Variants in DOCK1 observed in about 807,000 individuals in gnomAD.
DOCK1 encodes dedicator of cytokinesis protein 1.
Under a neutral mutation model 262.7 loss-of-function variants are expected in DOCK1, and 138 were observed. That is an observed-to-expected ratio of 0.53 (90% CI 0.46 to 0.61). The LOEUF (loss-of-function observed/expected upper bound fraction) is 0.61. Ranked by LOEUF, DOCK1 falls within the 20% of genes least tolerant of loss-of-function variation. The probability of loss-of-function intolerance (pLI) is 0.00; values close to 1 mark genes in which losing one functional copy is unlikely to be tolerated. For missense variants in DOCK1, 1,908 were observed against 2,370.7 expected (o/e 0.80, Z 4.05); for synonymous variants, 866 against 867.4 (o/e 1.00, Z 0.03).
At chr10:127,249,237 A>G (rs2059534782) in intron 28 of DOCK1, among the ~76,000 whole-genome samples, 1 of 152,094 alleles carries the variant, frequency 6.6e-6, no homozygotes, top group African/African-American at 2.4e-5. Context: ...TCTAATACAT[A>G]ATTTTCTTAT....
intron 27 of DOCK1, among the ~76,000 whole-genome samples, chr10:127,129,328 GT>G (rs1475435936): frequency 3.3e-5 from 5 of 152,272 alleles, no homozygotes; most frequent in African/African-American, 1.2e-4. Context: ...TAAACTTAAA[GT>G]TTAAACTTAA....
intron 29 of DOCK1, among the ~76,000 whole-genome samples, chr10:127,314,291 G>A (rs976626301): frequency 6.6e-6 from 1 of 152,174 alleles, no homozygotes; most frequent in Non-Finnish European, 1.5e-5. Flanking sequence ...AGTATGATTT[G>A]ATAGATCATT....
intron 28 of DOCK1, among the ~76,000 whole-genome samples, chr10:127,256,974 C>T (rs1383624405): frequency 2.0e-5 from 3 of 152,128 alleles, no homozygotes; most frequent in African/African-American, 7.2e-5. Flanking sequence ...TGATTTAGAG[C>T]AAACATAAGA....
chr10:126,985,144 C>T (rs2039287424), intron 4 of DOCK1, among the ~76,000 whole-genome samples: 3 of 152,080 alleles, frequency 2.0e-5, no homozygotes, highest in Non-Finnish European at 4.4e-5. Flanking sequence ...CCATGCCTGG[C>T]TAATTTTTGT....
At chr10:127,237,720 A>G (rs1339527524) in intron 27 of DOCK1, among the ~76,000 whole-genome samples, 1 of 152,170 alleles carries the variant, frequency 6.6e-6, no homozygotes, top group Non-Finnish European at 1.5e-5. Flanking sequence ...CTATTATTGT[A>G]TTCAGTAATA....
In DOCK1 at chr10:127,447,524, A is replaced by C. The variant is rs763910771; in HGVS notation, c.5544A>C (p.Pro1848=). The C allele has an allele frequency of 1.9e-5, 31 of 1,612,976 alleles. No individual in the cohort carries two copies. In the East Asian group the frequency reaches 5.8e-4, roughly 30 times the overall value. ...ACTTGCTGGGCTCGCCAACACCTCC[A>C]CCTCCCCCTCCACACCAGAGGGTAA... ...NQDLLGSPTP[P]PPPPHQRHLP... is the part of the protein sequence containing the mutation. The change falls in exon 51 of 52, where the codon CCA becomes CCC. Residue 1848 remains proline (P), a synonymous_variant. Coordinates refer to ENST00000623213, the MANE Select transcript of DOCK1 (RefSeq NM_001290223.2).
At chr10:127,086,492 C>T (rs6482653) in intron 23 of DOCK1, among the ~76,000 whole-genome samples, 35,897 of 152,020 alleles carry the variant, frequency 0.24, 6,068 homozygotes, top group African/African-American at 0.48. Context: ...CATTTTCTTG[C>T]TGGCATGAAC....
intron 40 of DOCK1, 33 bp from the exon 41 acceptor site, chr10:127,409,004 G>A: frequency 6.4e-7 from 1 of 1,560,354 alleles, no homozygotes. Flanking sequence ...CCCTTTCTCT[G>A]TGGTGTTATG....
At position 127,339,615 on chromosome 10, in the gene DOCK1, G is replaced by GTGTGTGTGTT. The variant is rs1491561142; in HGVS notation, c.3123+541_3123+550dup. Among the ~76,000 whole-genome samples, 885 of 149,168 alleles carry GTGTGTGTGTT rather than the reference G, an allele frequency of 5.9e-3. 3 individuals carry two copies. The highest frequency in any genetic ancestry group is 9.1e-3 in the Non-Finnish European group (617 of 67,724). Reference sequence around the variant, plus strand: ...ATGCAGTGTGTGAGAGAGAGAGAGAGTGTGTGTGTTTGTGTGTGTGTGTGT... The same window carrying GTGTGTGTGTT: ...ATGCAGTGTGTGAGAGAGAGAGAGAGTGTGTGTGTTTGTGTGTGTTTGTGTGTGTGTGTGT... On this transcript the variant is annotated intron_variant, in intron 30 of 51. Transcript: ENST00000623213.
chr10:127,128,075 A>C (rs1441053962), intron 27 of DOCK1: 1 of 180,766 alleles, frequency 5.5e-6, no homozygotes, highest in East Asian at 1.4e-4. Flanking sequence ...CATTAATAAA[A>C]TTTTATGAAG....
At chr10:127,242,796 C>A (rs953835996) in intron 27 of DOCK1, among the ~76,000 whole-genome samples, 1 of 152,032 alleles carries the variant, frequency 6.6e-6, no homozygotes, top group Non-Finnish European at 1.5e-5. Context: ...AAGTCCTTGC[C>A]TTAGTGAAAA....
intron 29 of DOCK1, among the ~76,000 whole-genome samples, chr10:127,326,474 C>T (rs79262541): frequency 0.046 from 6,969 of 152,304 alleles, 209 homozygotes; most frequent in Non-Finnish European, 0.072. Context: ...CCTTATCCAT[C>T]CAAGTTGTAT....
chr10:127,404,057 G>A (rs2067373600), intron 39 of DOCK1, among the ~76,000 whole-genome samples: 1 of 152,176 alleles, frequency 6.6e-6, no homozygotes, highest in African/African-American at 2.4e-5. Context: ...ACACCCATAA[G>A]TCACAACTTT....
At chr10:127,005,975 C>A (rs1173279169) in intron 10 of DOCK1, among the ~76,000 whole-genome samples, 2 of 152,150 alleles carry the variant, frequency 1.3e-5, no homozygotes, top group Admixed American at 6.5e-5. Context: ...AAGCATTATT[C>A]AAAAATTCGG....
intron 29 of DOCK1, among the ~76,000 whole-genome samples, chr10:127,309,595 C>G (rs1453032789): frequency 1.3e-5 from 2 of 152,210 alleles, no homozygotes; most frequent in East Asian, 3.9e-4. Context: ...AGTCTTTAAT[C>G]CATCTTGAGT....
intron 21 of DOCK1, among the ~76,000 whole-genome samples, chr10:127,046,250 C>G (rs886622564): frequency 3.9e-5 from 6 of 152,266 alleles, no homozygotes; most frequent in African/African-American, 1.4e-4. Flanking sequence ...GTTGCATGCT[C>G]TCTTGTGCAG....
chr10:127,207,817 C>T (rs2057792223), intron 27 of DOCK1, among the ~76,000 whole-genome samples: 1 of 152,184 alleles, frequency 6.6e-6, no homozygotes, highest in Non-Finnish European at 1.5e-5. Flanking sequence ...ACTTTATTTA[C>T]AAAACCAGGA....
intron 22 of DOCK1, among the ~76,000 whole-genome samples, chr10:127,054,465 A>T (rs1376575294): frequency 6.6e-6 from 1 of 152,196 alleles, no homozygotes. Flanking sequence ...TATTATGGAT[A>T]TGCATGACCT....
intron 6 of DOCK1, among the ~76,000 whole-genome samples, chr10:126,994,692 C>T (rs2040040899): frequency 6.6e-6 from 1 of 152,246 alleles, no homozygotes; most frequent in Admixed American, 6.5e-5. Flanking sequence ...TAATACAGAA[C>T]AAAATGGAGT....
Sources: gnomAD v4.1 joint callset for allele counts (sites outside exome capture counted in the v4.1 genomes callset) on GRCh38, gnomAD v4.1.1 for gene constraint, MANE v1.5 for transcripts, NCBI Gene and HGNC (gene_info 2026-07-23, HGNC 2026-07-21) for gene names.